The following CACNA2D3 variants were observed in gnomAD, a reference collection of about 807,000 sequenced individuals.
The protein encoded by CACNA2D3 is calcium voltage-gated channel auxiliary subunit alpha2delta 3, also known as voltage-dependent calcium channel subunit alpha-2/delta-3.
In CACNA2D3, 60 loss-of-function variants were observed where a neutral mutation model predicts 160.6. The ratio of observed to expected loss-of-function variants is 0.37; its 90% CI spans 0.30 to 0.46. CACNA2D3 has a LOEUF of 0.46. Ranked by LOEUF, CACNA2D3 falls within the 20% of genes least tolerant of loss-of-function variation. CACNA2D3 has a pLI of 1.00. For missense variants in CACNA2D3, 1,205 were observed against 1,365.0 expected (o/e 0.88, Z 1.85); for synonymous variants, 558 against 492.9 (o/e 1.13, Z -1.75).
chr3:54,625,849 C>T (rs1195373708), intron 9 of CACNA2D3, among the ~76,000 whole-genome samples: 1 of 152,186 alleles, frequency 6.6e-6, no homozygotes, highest in Non-Finnish European at 1.5e-5. Context: ...TAAGATTTGT[C>T]TCTACGATCC....
At chr3:54,852,912 A>T (rs528907297) in intron 17 of CACNA2D3, among the ~76,000 whole-genome samples, 30 of 152,274 alleles carry the variant, frequency 2.0e-4, no homozygotes, top group African/African-American at 7.0e-4. Context: ...CCATAGGAAG[A>T]GATTCTGTAT....
At chr3:54,571,555 T>C (rs751063635) in intron 8 of CACNA2D3, among the ~76,000 whole-genome samples, 16 of 152,062 alleles carry the variant, frequency 1.1e-4, no homozygotes, top group Non-Finnish European at 2.1e-4. Context: ...TCCCACTCTC[T>C]TACCAAAGGC....
rs61652736 is a variant in CACNA2D3 at position 54,822,730 on chromosome 3, T to TTTTCTTTCTTTCTTTC, written c.1398+5905_1398+5920dup. Among the ~76,000 whole-genome samples, 53 of 104,778 alleles carry TTTTCTTTCTTTCTTTC rather than the reference T, an allele frequency of 5.1e-4. 3 individuals are homozygous for TTTTCTTTCTTTCTTTC. Among genetic ancestry groups the TTTTCTTTCTTTCTTTC allele is most frequent in the East Asian group, 1.2e-3 (4 of 3,320 alleles). The allele number at this position is 104,778 out of a possible 152,430, so 68.7% of individuals were successfully genotyped here. ...AGATGCTATTTGCATTTCTTTTTTA[T>TTTTCTTTCTTTCTTTC]TTTCTTTCTTTCTTTCTTTCTTTCT... On this transcript the variant is annotated intron_variant, in intron 14 of 37. Transcript: ENST00000474759.
chr3:54,212,746 C>G (rs967457830), intron 2 of CACNA2D3, among the ~76,000 whole-genome samples: 1 of 152,036 alleles, frequency 6.6e-6, no homozygotes, highest in East Asian at 1.9e-4. Flanking sequence ...GTGGGAATGC[C>G]TTAGAATTTT....
intron 9 of CACNA2D3, among the ~76,000 whole-genome samples, chr3:54,610,338 A>G (rs185215693): frequency 6.2e-4 from 94 of 152,220 alleles, no homozygotes; most frequent in Admixed American, 2.2e-3. Flanking sequence ...TTACTTGGTT[A>G]CTTTTCGTTT....
chr3:54,141,104 T>TGTGTGTGAGC, intron 2 of CACNA2D3, among the ~76,000 whole-genome samples: 1 of 101,086 alleles, frequency 9.9e-6, no homozygotes, highest in African/African-American at 3.4e-5. Context: ...CGCGCGTGTG[T>TGTGTGTGAGC]GCATGCATGC....
intron 25 of CACNA2D3, among the ~76,000 whole-genome samples, chr3:54,893,858 C>T (rs1387189903): frequency 2.0e-5 from 3 of 152,084 alleles, no homozygotes; most frequent in Non-Finnish European, 4.4e-5. Flanking sequence ...GCCTTCACAG[C>T]GTACAGCCTT....
chr3:54,864,051 C>T (rs1699350004), intron 17 of CACNA2D3, among the ~76,000 whole-genome samples: 1 of 152,074 alleles, frequency 6.6e-6, no homozygotes, highest in African/African-American at 2.4e-5. Context: ...CTATGTCGTC[C>T]CATTGGGCAT....
chr3:54,724,586 A>G (rs1701241206), intron 11 of CACNA2D3, among the ~76,000 whole-genome samples: 5 of 152,328 alleles, frequency 3.3e-5, no homozygotes, highest in South Asian at 2.1e-4. Context: ...ACACAGTACC[A>G]TCAAACTCTA....
intron 14 of CACNA2D3, among the ~76,000 whole-genome samples, chr3:54,827,399 A>C (rs973544683): frequency 6.6e-6 from 1 of 152,392 alleles, no homozygotes; most frequent in South Asian, 2.1e-4. Context: ...AAGGATGGAA[A>C]GATAGATCAA....
chr3:54,349,808 C>T (rs1435741216), intron 3 of CACNA2D3, among the ~76,000 whole-genome samples: 1 of 152,194 alleles, frequency 6.6e-6, no homozygotes, highest in Non-Finnish European at 1.5e-5. Context: ...CAGTGTTTAA[C>T]CTCAGTCCTC....
intron 35 of CACNA2D3, among the ~76,000 whole-genome samples, chr3:55,035,776 G>GA (rs1313193388): frequency 6.6e-6 from 1 of 152,176 alleles, no homozygotes; most frequent in African/African-American, 2.4e-5. Context: ...GAGCAGGGTA[G>GA]AAAATATATA....
chr3:54,924,621 T>G, intron 27 of CACNA2D3: 1 of 1,612,676 alleles, frequency 6.2e-7, no homozygotes, highest in Non-Finnish European at 8.5e-7. Context: ...TGACTGACCT[T>G]TATAGACAAA....
intron 27 of CACNA2D3, among the ~76,000 whole-genome samples, chr3:54,958,911 C>T (rs1701966385): frequency 6.6e-6 from 1 of 152,144 alleles, no homozygotes; most frequent in Admixed American, 6.5e-5. Context: ...TGAGACCAGC[C>T]TGGGCAACAT....
intron 34 of CACNA2D3, among the ~76,000 whole-genome samples, chr3:55,014,424 A>G (rs1234228701): frequency 6.6e-6 from 1 of 152,140 alleles, no homozygotes; most frequent in East Asian, 1.9e-4. Context: ...CTGAATGCCT[A>G]AGAGTTAAAA....
intron 35 of CACNA2D3, among the ~76,000 whole-genome samples, chr3:55,030,696 A>C (rs1703667884): frequency 6.6e-6 from 1 of 152,132 alleles, no homozygotes; most frequent in African/African-American, 2.4e-5. Flanking sequence ...TTTACTGGGG[A>C]CAGGGTTTCC....
At chr3:54,775,317 C>A (rs1253270076) in intron 13 of CACNA2D3, among the ~76,000 whole-genome samples, 1 of 152,154 alleles carries the variant, frequency 6.6e-6, no homozygotes, top group East Asian at 1.9e-4. Flanking sequence ...ATTATGATAC[C>A]ATACTGTTAA....
At chr3:54,724,431 A>G (rs376605056) in intron 11 of CACNA2D3, among the ~76,000 whole-genome samples, 2 of 152,206 alleles carry the variant, frequency 1.3e-5, no homozygotes, top group Non-Finnish European at 2.9e-5. Flanking sequence ...ACAGATATCT[A>G]CAGAACTCTC....
chr3:54,630,608 TACC>T (rs1346714978), intron 10 of CACNA2D3, among the ~76,000 whole-genome samples: 1 of 152,190 alleles, frequency 6.6e-6, no homozygotes, highest in African/African-American at 2.4e-5. Flanking sequence ...CTTTATATCA[TACC>T]ATCATCTCCG....
Sources: allele counts gnomAD v4.1 joint callset (sites outside exome capture counted in the v4.1 genomes callset), GRCh38; gene constraint gnomAD v4.1.1; transcripts MANE v1.5; gene names NCBI Gene and HGNC (gene_info 2026-07-23, HGNC 2026-07-21).